Variants in NFIX observed in about 807,000 individuals in gnomAD.
The protein encoded by NFIX is nuclear factor 1 X-type.
In NFIX, 2 loss-of-function variants were observed where a neutral mutation model predicts 53.3. The observed-to-expected ratio is 0.04, with a 90% CI of 0.02 to 0.12. The LOEUF is 0.12. Ranked by LOEUF, NFIX falls within the 10% of genes least tolerant of loss-of-function variation. NFIX has a pLI of 1.00. For missense variants in NFIX, 310 were observed against 674.5 expected, an observed-to-expected ratio of 0.46 and a Z score of 5.99; for synonymous variants, 244 against 289.0, an observed-to-expected ratio of 0.84 and a Z score of 1.58.
rs541909545 is a variant in NFIX, at chr19:13,012,511, A to AT, written c.28-12507dup. ...GCATGGAGGACTGTCCCAGTTCACC[A>AT]TTTGCTGCGTCAAAGGCCGCCGCCA... On this transcript the variant is annotated intron_variant, in intron 1 of 10. Coordinates refer to ENST00000592199, the MANE Select transcript of NFIX (RefSeq NM_001365902.3). The surrounding 1 kb of genome is among the most constrained non-coding windows in gnomAD (Gnocchi z 5.0). 5.5e-5 allele frequency among the ~76,000 whole-genome samples: 8 copies of AT among 144,952 alleles called. No homozygotes were observed. The highest frequency in any genetic ancestry group is 3.0e-5 in the Non-Finnish European group (2 of 66,070).
intron 1 of NFIX, among the ~76,000 whole-genome samples, chr19:12,999,020 A>T (rs551492445): frequency 1.3e-5 from 2 of 152,220 alleles, no homozygotes; most frequent in South Asian, 4.1e-4. Context: ...CCCTGAGCAC[A>T]TGCTTGGATA....
intron 2 of NFIX, among the ~76,000 whole-genome samples, chr19:13,032,469 C>T (rs1178936986): frequency 1.3e-5 from 2 of 152,184 alleles, no homozygotes; most frequent in African/African-American, 2.4e-5. Context: ...TTGCATCGTT[C>T]GAGGACTCCT....
At position 13,081,711 on chromosome 19, in the gene NFIX, C is replaced by T; in HGVS notation, c.1110C>T (p.His370=). 1 of 1,613,836 alleles carries T rather than the reference C, an allele frequency of 6.2e-7. No individual in the cohort carries two copies. The highest frequency in any genetic ancestry group is 8.5e-7 in the Non-Finnish European group (1 of 1,179,802). ...GSPRATASAL[H]FPSTSIIQQS... is the part of the protein sequence containing the mutation. ...CCCGGGCCACAGCATCAGCCCTGCA[C>T]TTCCCCTCCACGTCCATCATCCAGC... is the stretch of plus-strand genomic sequence containing the variant. The change falls in exon 8 of 11, where the codon CAC becomes CAT. Residue 370 remains histidine, a synonymous_variant. Transcript: ENST00000592199. The surrounding 1 kb of genome is among the most constrained non-coding windows in gnomAD (Gnocchi z 4.7).
intron 1 of NFIX, among the ~76,000 whole-genome samples, chr19:13,015,631 C>T (rs1051510566): frequency 7.2e-5 from 11 of 152,168 alleles, no homozygotes; most frequent in South Asian, 2.1e-4. Flanking sequence ...GCAAGCAGGG[C>T]GAGAGGAGGG....
At position 13,060,978 on chromosome 19, in the gene NFIX, CTTCCTT is replaced by C. The variant is rs1486567452; in HGVS notation, c.560-12065_560-12060del. The stretch of plus-strand genomic sequence containing the variant: ...CTTTTTATGGGGATGGGGTAGAGAT[CTTCCTT>C]TTCAAGTGTTTACCAATTGCAGAGA... On this transcript the variant is annotated intron_variant, in intron 2 of 10. Transcript: ENST00000592199. This position sits in a 1 kb window ranked among gnomAD's most constrained non-coding sequence, Gnocchi z 4.3. 5.9e-5 allele frequency among the ~76,000 whole-genome samples: 9 copies of C among 152,030 alleles called. No homozygotes were observed. Among genetic ancestry groups the C allele is most frequent in the African/African-American group, 2.2e-4 (9 of 41,384 alleles).
chr19:13,043,258 G>A lies in NFIX; in HGVS notation c.559+17706G>A, dbSNP rs1342868609. 6.6e-6 allele frequency among the ~76,000 whole-genome samples: 1 copy of A among 152,146 alleles called. No individual in the cohort carries two copies. The highest frequency in any genetic ancestry group is 1.5e-5 in the Non-Finnish European group (1 of 68,024). On this transcript the variant is annotated intron_variant, in intron 2 of 10. Transcript: ENST00000592199. The surrounding 1 kb of genome is among the most constrained non-coding windows in gnomAD (Gnocchi z 4.0). ...ATGAATCTGAGGTGCCCCCTTCCAG[G>A]CCTCTGCAGCCACTTCCTGTTAGCA...
chr19:13,017,141 T>TTC (rs1050526918), intron 1 of NFIX, among the ~76,000 whole-genome samples: 1 of 152,040 alleles, frequency 6.6e-6, no homozygotes, highest in African/African-American at 2.4e-5. Context: ...ACAGTTTGTG[T>TTC]TGGAGCTGAA....
intron 2 of NFIX, among the ~76,000 whole-genome samples, chr19:13,064,577 G>T (rs2145389357): frequency 6.6e-6 from 1 of 152,318 alleles, no homozygotes; most frequent in South Asian, 2.1e-4. Context: ...CATTATATTT[G>T]CAGAGAAACC....
At chr19:13,092,395 G>A (rs2145526918) in intron 10 of NFIX, among the ~76,000 whole-genome samples, 1 of 152,282 alleles carries the variant, frequency 6.6e-6, no homozygotes, top group South Asian at 2.1e-4. Flanking sequence ...GCCCCCTTGG[G>A]GCAGCCTTTG....
rs981984524 is a variant in NFIX at position 13,052,078 on chromosome 19, G to T, written c.560-20969G>T. Among the ~76,000 whole-genome samples the T allele has an allele frequency of 1.3e-5, 2 of 152,116 alleles. No individual in the cohort carries two copies. The highest frequency in any genetic ancestry group is 2.9e-5 in the Non-Finnish European group (2 of 68,024). ...CTGCTTGCAGGATTTGGGACCAAAC[G>T]CCCTCAGGCATCCAGGTGGTGCCCG... is the stretch of plus-strand genomic sequence containing the variant. On this transcript the variant is annotated intron_variant, in intron 2 of 10. Transcript: ENST00000592199. The surrounding 1 kb of genome is among the most constrained non-coding windows in gnomAD (Gnocchi z 5.2).
chr19:13,061,325 G>A (rs763165566), intron 2 of NFIX, among the ~76,000 whole-genome samples: 19 of 152,242 alleles, frequency 1.2e-4, no homozygotes, highest in Non-Finnish European at 2.4e-4. Flanking sequence ...ATCACGGGAT[G>A]TGTTTGGCAG....
At position 12,995,869 on chromosome 19, in the gene NFIX, C is replaced by T; in HGVS notation, c.27+5C>T. The T allele has an allele frequency of 4.1e-6, 4 of 982,526 alleles. No homozygotes were observed. Among genetic ancestry groups the T allele is most frequent in the Non-Finnish European group, 4.8e-6 (4 of 829,314 alleles). The allele number at this position is 982,526 out of a possible 1,614,324, so 60.9% of individuals were successfully genotyped here. A position where few individuals can be genotyped will look rare whatever the true frequency, so the allele number is the denominator to read the frequency against. ...TCCCCGTACTGCCTCACCCAGGTAC[C>T]GGCCGCCGCCCCCGCGCGACCGGGG... On this transcript the variant is annotated splice_donor_5th_base_variant and intron_variant, in intron 1 of 10. Coordinates refer to ENST00000592199, the MANE Select transcript of NFIX (RefSeq NM_001365902.3).
intron 10 of NFIX, among the ~76,000 whole-genome samples, chr19:13,092,035 G>A (rs2018175683): frequency 6.6e-6 from 1 of 152,194 alleles, no homozygotes; most frequent in Admixed American, 6.5e-5. Context: ...AGGCAGGTGT[G>A]TCTGGGAGTG....
At chr19:13,054,990 G>A (rs1013013706) in intron 2 of NFIX, among the ~76,000 whole-genome samples, 7 of 152,146 alleles carry the variant, frequency 4.6e-5, no homozygotes, top group Admixed American at 6.5e-5. Flanking sequence ...ACAAGCTGGC[G>A]GCTCTAGAGA....
chr19:13,097,138 C>T lies in NFIX; in HGVS notation c.*2489C>T, dbSNP rs973907289. 1.3e-4 allele frequency: 20 copies of T among 150,220 alleles called. No homozygotes were observed. Among genetic ancestry groups the T allele is most frequent in the African/African-American group, 4.9e-4 (20 of 40,938 alleles). 9.3% of individuals were successfully genotyped at this position (150,220 alleles called of 1,614,324 possible). ...AGAACCGGGCCTGCCCCGCCCTGCG[C>T]GGGGATAACGAAAGCTGAGTGTTTT... On this transcript the variant is annotated 3_prime_UTR_variant, in exon 11 of 11. Transcript: ENST00000592199.
At position 13,052,249 on chromosome 19, in the gene NFIX, TC is replaced by T. The variant is rs886457689; in HGVS notation, c.560-20793del. 2.6e-5 allele frequency among the ~76,000 whole-genome samples: 4 copies of T among 152,112 alleles called. No individual in the cohort carries two copies. Among genetic ancestry groups the T allele is most frequent in the Non-Finnish European group, 5.9e-5 (4 of 68,020 alleles). ...CAGGTGCTGTTGGTCCTCCAGGCTTTCCCCCTGCCTCTGCCAGCTGCTGCCT... is the reference window on the plus strand; with the variant it reads ...CAGGTGCTGTTGGTCCTCCAGGCTTTCCCCTGCCTCTGCCAGCTGCTGCCT... On this transcript the variant is annotated intron_variant, in intron 2 of 10. Transcript: ENST00000592199. The surrounding 1 kb of genome is among the most constrained non-coding windows in gnomAD (Gnocchi z 5.2).
rs139793271 is a variant in NFIX at position 13,050,407 on chromosome 19, C to T, written c.560-22640C>T. 2.1e-3 allele frequency among the ~76,000 whole-genome samples: 319 copies of T among 152,356 alleles called. 6 individuals are homozygous for T. The highest frequency in any genetic ancestry group is 0.012 in the Admixed American group (176 of 15,300). On this transcript the variant is annotated intron_variant, in intron 2 of 10. Transcript: ENST00000592199. ...GCCTTGTCCCGCATCACTTCTCATCCTCTGAGGCCAGTCCCTCCCTCTGAG... is the reference window on the plus strand; with the variant it reads ...GCCTTGTCCCGCATCACTTCTCATCTTCTGAGGCCAGTCCCTCCCTCTGAG...
intron 2 of NFIX, among the ~76,000 whole-genome samples, chr19:13,061,222 C>A (rs964497078): frequency 1.3e-5 from 2 of 152,178 alleles, no homozygotes; most frequent in Non-Finnish European, 2.9e-5. Flanking sequence ...CCCCCGCCTT[C>A]TATTCGCCCA....
chr19:13,024,959 A>G (rs1453519601), intron 1 of NFIX, 62 bp from the exon 2 acceptor site: 3 of 1,546,996 alleles, frequency 1.9e-6, no homozygotes, highest in East Asian at 4.9e-5. Context: ...TTTCCCCCTC[A>G]TCCCGTCTTC....
Sources: gnomAD v4.1 joint callset for allele counts (sites outside exome capture counted in the v4.1 genomes callset) on GRCh38, gnomAD v4.1.1 for gene constraint, Gnocchi (gnomAD v3.1) non-coding constraint, MANE v1.5 for transcripts, NCBI Gene and HGNC (gene_info 2026-07-23, HGNC 2026-07-21) for gene names.